Variants in FAM13A observed in about 807,000 individuals in gnomAD.
FAM13A encodes the protein family with sequence similarity 13 member A.
FAM13A carries 76 observed loss-of-function variants against 129.6 expected under a neutral mutation model. The ratio of observed to expected loss-of-function variants is 0.59; its 90% CI spans 0.49 to 0.71. The LOEUF is 0.71. FAM13A is among the 30% of genes least tolerant of loss of function. FAM13A has a pLI of 0.00. For missense variants in FAM13A, 1,108 were observed against 1,249.3 expected (o/e 0.89, Z 1.70); for synonymous variants, 443 against 449.9 (o/e 0.98, Z 0.20).
At position 88,727,148 on chromosome 4, in the gene FAM13A, T is replaced by C. The variant is rs1736621384; in HGVS notation, c.*1385A>G. The C allele has an allele frequency of 6.6e-6, 1 of 152,540 alleles. No homozygotes were observed. Among genetic ancestry groups the C allele is most frequent in the South Asian group, 2.1e-4 (1 of 4,832 alleles). 9.4% of individuals were successfully genotyped at this position (152,540 alleles called of 1,614,324 possible). A position where few individuals can be genotyped will look rare whatever the true frequency, so the allele number is the denominator to read the frequency against. Reference sequence around the variant, plus strand: ...TGCTGTGTGTTCATACTGTAACACGTCGTCTAAGGCAGAGCTCCTGAAGCA... The same window carrying C: ...TGCTGTGTGTTCATACTGTAACACGCCGTCTAAGGCAGAGCTCCTGAAGCA... On this transcript the variant is annotated 3_prime_UTR_variant, in exon 24 of 24. Coordinates refer to ENST00000264344, the MANE Select transcript of FAM13A (RefSeq NM_014883.4).
At chr4:88,740,483 TCA>T (rs1421010072) in intron 19 of FAM13A, among the ~76,000 whole-genome samples, 1 of 152,236 alleles carries the variant, frequency 6.6e-6, no homozygotes, top group Non-Finnish European at 1.5e-5. Flanking sequence ...TGTGCCTGAT[TCA>T]CAGATGCAGT....
chr4:88,748,925 A>T (rs1366024122), intron 17 of FAM13A, 27 bp downstream of exon 17: 8 of 1,546,746 alleles, frequency 5.2e-6, no homozygotes, highest in Non-Finnish European at 7.1e-6. Context: ...TGTTGTACAG[A>T]AGCCACAGCT....
At chr4:88,793,140 G>A (rs560142773) in intron 8 of FAM13A, among the ~76,000 whole-genome samples, 3 of 151,976 alleles carry the variant, frequency 2.0e-5, no homozygotes, top group African/African-American at 2.4e-5. Flanking sequence ...TCTTATCTTC[G>A]CAACTAAAAT....
At chr4:88,960,677 T>C (rs571393203) in intron 4 of FAM13A, among the ~76,000 whole-genome samples, 1 of 152,280 alleles carries the variant, frequency 6.6e-6, no homozygotes, top group African/African-American at 2.4e-5. Context: ...AGAGGTATCC[T>C]CAATTCCCTT....
chr4:88,726,768 A>G lies in FAM13A; in HGVS notation c.*1765T>C, dbSNP rs1210546280. On this transcript the variant is annotated 3_prime_UTR_variant, in exon 24 of 24. Coordinates refer to ENST00000264344, the MANE Select transcript of FAM13A (RefSeq NM_014883.4). Reference sequence around the variant, plus strand: ...AATTATAGCAATCTGCAATGTAAACAGTAGAGCAAAGAATTCCAAACTATA... The same window carrying G: ...AATTATAGCAATCTGCAATGTAAACGGTAGAGCAAAGAATTCCAAACTATA... The G allele has an allele frequency of 6.5e-6, 1 of 152,698 alleles. No homozygotes were observed. The highest frequency in any genetic ancestry group is 1.9e-4 in the East Asian group (1 of 5,206). The allele number at this position is 152,698 out of a possible 1,614,324, so 9.5% of individuals were successfully genotyped here.
chr4:88,966,756 T>C (rs1759404481), intron 4 of FAM13A, among the ~76,000 whole-genome samples: 1 of 152,170 alleles, frequency 6.6e-6, no homozygotes, highest in African/African-American at 2.4e-5. Context: ...AATAAGTTCA[T>C]AAAATTAAAT....
chr4:88,851,557 G>C (rs752492051), intron 6 of FAM13A, among the ~76,000 whole-genome samples: 14 of 152,104 alleles, frequency 9.2e-5, no homozygotes, highest in Non-Finnish European at 1.8e-4. Context: ...AAAATAGTTG[G>C]AAGGAGGCAG....
intron 4 of FAM13A, among the ~76,000 whole-genome samples, chr4:88,969,732 A>G (rs533205534): frequency 8.5e-5 from 13 of 152,310 alleles, no homozygotes; most frequent in South Asian, 4.1e-4. Context: ...AGTCTTTATC[A>G]TGTGGGCACC....
chr4:88,948,968 A>C (rs1756445449), intron 4 of FAM13A, among the ~76,000 whole-genome samples: 1 of 152,254 alleles, frequency 6.6e-6, no homozygotes, highest in African/African-American at 2.4e-5. Flanking sequence ...TTGAGAATCA[A>C]AGTTCAAGAC....
chr4:88,860,008 C>A (rs1319879984), intron 6 of FAM13A, among the ~76,000 whole-genome samples: 2 of 152,122 alleles, frequency 1.3e-5, no homozygotes, highest in African/African-American at 4.8e-5. Context: ...TTGCTTCTTT[C>A]CCCCTCCCTT....
In FAM13A at chr4:88,878,116, C is replaced by T. The variant is rs1034723000; in HGVS notation, c.844-26933G>A. 3.8e-4 allele frequency among the ~76,000 whole-genome samples: 58 copies of T among 151,744 alleles called. No homozygotes were observed. The East Asian group carries it at 9.9e-3, about 26-fold the overall frequency. ...CATCCTGGCTAACACGGTGAAACCC[C>T]GTCTCTACTAAAAAATACAAAAAAT... On this transcript the variant is annotated intron_variant, in intron 6 of 23. Transcript: ENST00000264344.
chr4:89,003,283 G>GA (rs33992424), intron 3 of FAM13A, among the ~76,000 whole-genome samples: 19,044 of 146,364 alleles, frequency 0.13, 1,422 homozygotes, highest in Non-Finnish European at 0.17. Context: ...GAGCAATTTG[G>GA]AAAAAAAAAA....
chr4:88,752,589 GT>G (rs1742846225), intron 14 of FAM13A, among the ~76,000 whole-genome samples: 1 of 152,210 alleles, frequency 6.6e-6, no homozygotes, highest in Non-Finnish European at 1.5e-5. Context: ...GCTGGTAGAT[GT>G]GCCTGGCTAA....
chr4:88,749,793 A>T lies in FAM13A; in HGVS notation c.2057T>A (p.Phe686Tyr). 6.2e-7 allele frequency: 1 copy of T among 1,614,156 alleles called. No homozygotes were observed. Among genetic ancestry groups the T allele is most frequent in the Non-Finnish European group, 8.5e-7 (1 of 1,180,014 alleles). Reference protein sequence around the residue: ...KKKIRKFEDRFEEEKKYRPSH... With the variant: ...KKKIRKFEDRYEEEKKYRPSH... Reference sequence around the variant, plus strand: ...TACTCTGTACTTCTTCTCTTCTTCGAATCTATCTTCAAACTTCCGGATCTT... The same window carrying T: ...TACTCTGTACTTCTTCTCTTCTTCGTATCTATCTTCAAACTTCCGGATCTT... The change falls in exon 16 of 24, where the codon TTC (phenylalanine) becomes TAC (tyrosine). Residue 686 changes from phenylalanine (F) to tyrosine (Y), a missense_variant. By Grantham distance (22) the Phe-to-Tyr change is conservative. This residue lies in a region of FAM13A where 529 missense variants were observed against 621.2 expected (regional missense o/e 0.85). Transcript: ENST00000264344.
intron 7 of FAM13A, among the ~76,000 whole-genome samples, chr4:88,814,192 G>A (rs1231682144): frequency 6.6e-6 from 1 of 152,184 alleles, no homozygotes; most frequent in African/African-American, 2.4e-5. Flanking sequence ...ACAGGCTGAA[G>A]GCCATAGAGG....
intron 5 of FAM13A, among the ~76,000 whole-genome samples, chr4:88,907,352 C>T (rs981614749): frequency 6.6e-6 from 1 of 152,160 alleles, no homozygotes; most frequent in African/African-American, 2.4e-5. Flanking sequence ...ATTCAATCAT[C>T]TAAATCATAC....
Position 88,768,073 on chromosome 4 carries a change from A to G in FAM13A, c.1459-14T>C. ...ACTTTCCATATTCTGTAACAGAACC[A>G]TTATTGGTTGCCTAATAGGAATGGT... On this transcript the variant is annotated splice_polypyrimidine_tract_variant and intron_variant, in intron 11 of 23. Transcript: ENST00000264344. 3 of 1,538,636 alleles carry G rather than the reference A, an allele frequency of 1.9e-6. No individual in the cohort carries two copies. Among genetic ancestry groups the G allele is most frequent in the Non-Finnish European group, 2.7e-6 (3 of 1,112,854 alleles).
chr4:88,948,424 G>T (rs1756314748), intron 4 of FAM13A, among the ~76,000 whole-genome samples: 1 of 152,062 alleles, frequency 6.6e-6, no homozygotes, highest in African/African-American at 2.4e-5. Context: ...ACCAGTGGCT[G>T]GGGTAAGAGG....
intron 4 of FAM13A, among the ~76,000 whole-genome samples, chr4:88,966,130 G>A (rs11097204): frequency 0.55 from 82,918 of 151,990 alleles, 22,756 homozygotes; most frequent in Middle Eastern, 0.63. Flanking sequence ...GTGAAGACAT[G>A]TTATGTAGTT....
Sources: gnomAD v4.1 joint callset for allele counts (sites outside exome capture counted in the v4.1 genomes callset) on GRCh38, gnomAD v4.1.1 for gene constraint, gnomAD v4.1.1 regional missense constraint, MANE v1.5 for transcripts, NCBI Gene and HGNC (gene_info 2026-07-23, HGNC 2026-07-21) for gene names.